SPRED1: variants seen among roughly 807,000 people sequenced by gnomAD.
SPRED1 encodes the protein sprouty-related, EVH1 domain-containing protein 1.
SPRED1 carries 18 observed loss-of-function variants against 52.3 expected under a neutral mutation model. The ratio of observed to expected loss-of-function variants is 0.34; its 90% confidence interval spans 0.24 to 0.51. The LOEUF (loss-of-function observed/expected upper bound fraction) is 0.51, where lower values mean the gene tolerates loss of function less well. Among genes scored for constraint, SPRED1 ranks in the 20% least tolerant of loss-of-function variants. The pLI is 0.97. For synonymous variants in SPRED1, 155 were observed against 179.7 expected (o/e 0.86, Z 1.10); for missense variants, 485 against 551.0 (o/e 0.88, Z 1.20).
chr15:38,334,196 CAAAA>C (rs1895862230), intron 4 of SPRED1, among the ~76,000 whole-genome samples: 4 of 151,584 alleles, frequency 2.6e-5, no homozygotes, highest in Non-Finnish European at 5.9e-5. Context: ...TCAGTCAGTT[CAAAA>C]GCATCTATAA....
intron 5 of SPRED1, 126 bp from the exon 6 acceptor site, chr15:38,349,296 T>A: frequency 1.5e-6 from 1 of 682,430 alleles, no homozygotes; most frequent in Non-Finnish European, 2.6e-6. Context: ...ATTCTATTTT[T>A]ATTCTCAAAA....
chr15:38,269,416 A>T (rs1595715999), intron 1 of SPRED1, among the ~76,000 whole-genome samples: 1 of 151,896 alleles, frequency 6.6e-6, no homozygotes, highest in Non-Finnish European at 1.5e-5. Flanking sequence ...TAATTTTTAA[A>T]TTTTTTTGTA....
intron 1 of SPRED1, among the ~76,000 whole-genome samples, chr15:38,271,508 T>A (rs1343006793): frequency 6.6e-6 from 1 of 152,222 alleles, no homozygotes; most frequent in Non-Finnish European, 1.5e-5. Flanking sequence ...TTATTATATG[T>A]TAGAGAAAGG....
chr15:38,317,639 T>G (rs1895514861), intron 2 of SPRED1, among the ~76,000 whole-genome samples: 1 of 151,958 alleles, frequency 6.6e-6, no homozygotes, highest in Admixed American at 6.6e-5. Context: ...CAGAACTTAG[T>G]GTTCTGATAT....
intron 2 of SPRED1, among the ~76,000 whole-genome samples, chr15:38,314,363 T>C (rs1333017691): frequency 6.6e-6 from 1 of 151,904 alleles, no homozygotes; most frequent in Non-Finnish European, 1.5e-5. Context: ...GGATTATATT[T>C]CTACTAAGTG....
chr15:38,257,064 A>G (rs559156327), intron 1 of SPRED1, among the ~76,000 whole-genome samples: 225 of 152,282 alleles, frequency 1.5e-3, no homozygotes, highest in Non-Finnish European at 2.8e-3. Context: ...TATTTTAAAC[A>G]CATTATGATA....
chr15:38,324,884 A>G (rs2140996743), intron 4 of SPRED1, 75 bp downstream of exon 4: 1 of 1,163,898 alleles, frequency 8.6e-7, no homozygotes, highest in South Asian at 1.3e-5. Context: ...CAATAAACTT[A>G]TCAATTACTA....
intron 1 of SPRED1, among the ~76,000 whole-genome samples, chr15:38,289,464 C>T (rs1401343344): frequency 6.6e-6 from 1 of 151,638 alleles, no homozygotes; most frequent in South Asian, 2.1e-4. Context: ...TGTCCTGCCC[C>T]TCCCCAAAGA....
At chr15:38,314,788 A>C (rs1468729497) in intron 2 of SPRED1, among the ~76,000 whole-genome samples, 1 of 151,882 alleles carries the variant, frequency 6.6e-6, no homozygotes, top group African/African-American at 2.4e-5. Flanking sequence ...ATGTGTGTTA[A>C]AATAAAGTGC....
intron 2 of SPRED1, among the ~76,000 whole-genome samples, chr15:38,301,903 A>C (rs1916151): frequency 0.82 from 124,922 of 151,604 alleles, 52,207 homozygotes; most frequent in Non-Finnish European, 0.89. Context: ...TATTATGTTT[A>C]CTGAGTCTGT....
intron 2 of SPRED1, among the ~76,000 whole-genome samples, chr15:38,304,608 A>C (rs1214927181): frequency 4.6e-5 from 7 of 151,962 alleles, no homozygotes; most frequent in Non-Finnish European, 7.4e-5. Flanking sequence ...CATCTTAGCA[A>C]TTTCTTCCCA....
intron 2 of SPRED1, among the ~76,000 whole-genome samples, chr15:38,320,007 C>A (rs754160650): frequency 6.6e-6 from 1 of 151,926 alleles, no homozygotes; most frequent in Non-Finnish European, 1.5e-5. Flanking sequence ...GTATTTCCAC[C>A]GTACAGATAT....
chr15:38,269,905 C>CTTT (rs10566946), intron 1 of SPRED1, among the ~76,000 whole-genome samples: 4 of 91,994 alleles, frequency 4.3e-5, no homozygotes, highest in African/African-American at 1.2e-4. Flanking sequence ...TTCTTTCTTT[C>CTTT]TTTTTTTTTT....
intron 2 of SPRED1, among the ~76,000 whole-genome samples, chr15:38,307,546 T>C (rs1050959201): frequency 2.0e-5 from 3 of 152,150 alleles, no homozygotes; most frequent in Admixed American, 1.3e-4. Context: ...ACCTTTATCA[T>C]TTCCTCCCTG....
chr15:38,277,489 A>G (rs980673226), intron 1 of SPRED1, among the ~76,000 whole-genome samples: 1 of 152,164 alleles, frequency 6.6e-6, no homozygotes, highest in Non-Finnish European at 1.5e-5. Flanking sequence ...CATGGTGTAC[A>G]TGTACCATGT....
chr15:38,268,190 C>T (rs1290018907), intron 1 of SPRED1: 1 of 152,204 alleles, frequency 6.6e-6, no homozygotes, highest in Non-Finnish European at 1.5e-5. Context: ...CAATTCAATT[C>T]TGAATTCTTC....
intron 1 of SPRED1, among the ~76,000 whole-genome samples, chr15:38,284,390 TA>T (rs2140967146): frequency 6.6e-6 from 1 of 152,300 alleles, no homozygotes; most frequent in Non-Finnish European, 1.5e-5. Flanking sequence ...AAAGGTATAA[TA>T]TTTTTAACTT....
chr15:38,299,264 A>T, intron 1 of SPRED1, 109 bp from the exon 2 acceptor site: 1 of 1,202,924 alleles, frequency 8.3e-7, no homozygotes, highest in South Asian at 1.2e-5. Context: ...TAAACACCTT[A>T]GTCACCACAT....
intron 1 of SPRED1, among the ~76,000 whole-genome samples, chr15:38,268,594 A>G (rs952573341): frequency 9.9e-5 from 15 of 152,230 alleles, no homozygotes; most frequent in Non-Finnish European, 1.9e-4. Context: ...GAATAGCCTA[A>G]ACATTTAAAA....
Sources: gnomAD v4.1 joint callset for allele counts (sites outside exome capture counted in the v4.1 genomes callset) on GRCh38, gnomAD v4.1.1 for gene constraint, MANE v1.5 for transcripts, NCBI Gene and HGNC (gene_info 2026-07-23, HGNC 2026-07-21) for gene names.